Variants in MCTP2 observed in about 807,000 individuals in gnomAD.
The protein encoded by MCTP2 is multiple C2 and transmembrane domain-containing protein 2.
In MCTP2, 132 loss-of-function variants were observed where a neutral mutation model predicts 111.6. The observed-to-expected ratio is 1.18, with a 90% CI of 1.03 to 1.37. The LOEUF is 1.37. Among genes scored for constraint, MCTP2 ranks in the 40% most tolerant of loss-of-function variants. The pLI is 0.00. For missense variants in MCTP2, 1,183 were observed against 1,067.9 expected, an observed-to-expected ratio of 1.11 and a Z score of -1.50; for synonymous variants, 395 against 387.7, an observed-to-expected ratio of 1.02 and a Z score of -0.22.
rs181190731 is a variant in MCTP2, at chr15:94,276,091, G to A, written c.-65-22110G>A. ...GATCTCCTGACCTTGTGATCCGCCC[G>A]CCTTGGCCTCCCAAAGTGCTGGGAT... is the stretch of plus-strand genomic sequence containing the variant. On this transcript the variant is annotated intron_variant, in intron 1 of 22. Coordinates refer to ENST00000357742, the MANE Select transcript of MCTP2 (RefSeq NM_001385001.1). Among the ~76,000 whole-genome samples the A allele has an allele frequency of 4.5e-3, 678 of 152,092 alleles. 1 individual carries two copies. The highest frequency in any genetic ancestry group is 0.014 in the South Asian group (66 of 4,828).
chr15:94,361,113 T>C (rs1251450865), intron 10 of MCTP2, among the ~76,000 whole-genome samples: 1 of 141,220 alleles, frequency 7.1e-6, no homozygotes, highest in East Asian at 2.0e-4. Context: ...TTTTTTTTTT[T>C]TTTTAACACA....
At chr15:94,340,675 C>T in intron 6 of MCTP2, 138 bp from the exon 7 acceptor site, 1 of 565,590 alleles carries the variant, frequency 1.8e-6, no homozygotes, top group South Asian at 2.9e-5. Context: ...TTTATTTTCA[C>T]TAAATTTTGT....
chr15:94,455,229 T>C (rs2084745404), intron 19 of MCTP2, among the ~76,000 whole-genome samples: 1 of 152,246 alleles, frequency 6.6e-6, no homozygotes, highest in Admixed American at 6.5e-5. Flanking sequence ...TTTCAGCATA[T>C]ATTTTGTTAA....
At chr15:94,270,230 C>A (rs368958013) in intron 1 of MCTP2, among the ~76,000 whole-genome samples, 1 of 152,152 alleles carries the variant, frequency 6.6e-6, no homozygotes, top group Non-Finnish European at 1.5e-5. Context: ...GCCAGAAGTA[C>A]CCCCTGTTGA....
intron 2 of MCTP2, among the ~76,000 whole-genome samples, chr15:94,312,562 T>C (rs2076194017): frequency 6.6e-6 from 1 of 152,226 alleles, no homozygotes. Context: ...AAAAAGCTTG[T>C]GTCTGAAATC....
chr15:94,235,337 C>G (rs1243786526), intron 1 of MCTP2, among the ~76,000 whole-genome samples: 1 of 152,068 alleles, frequency 6.6e-6, no homozygotes, highest in Non-Finnish European at 1.5e-5. Flanking sequence ...CACCTACGTA[C>G]CTGAGATTAA....
chr15:94,463,715 T>C (rs1247997113), intron 20 of MCTP2, among the ~76,000 whole-genome samples: 3 of 152,168 alleles, frequency 2.0e-5, no homozygotes, highest in Non-Finnish European at 4.4e-5. Flanking sequence ...CTGTAGGTTA[T>C]TGTAAATATG....
intron 8 of MCTP2, among the ~76,000 whole-genome samples, chr15:94,347,316 A>G (rs571989954): frequency 6.6e-6 from 1 of 152,160 alleles, no homozygotes; most frequent in South Asian, 2.1e-4. Context: ...ATTTAATATT[A>G]TGTAATAATT....
At chr15:94,406,855 G>T (rs1269773972) in intron 17 of MCTP2, among the ~76,000 whole-genome samples, 1 of 132,556 alleles carries the variant, frequency 7.5e-6, no homozygotes, top group Non-Finnish European at 1.6e-5. Flanking sequence ...GGACTTTTCA[G>T]TTGTTTTTTT....
chr15:94,479,069 T>C lies in MCTP2; in HGVS notation c.*35T>C, dbSNP rs1451289603. 2 of 1,602,342 alleles carry C rather than the reference T, an allele frequency of 1.2e-6. No homozygotes were observed. Among genetic ancestry groups the C allele is most frequent in the Admixed American group, 1.7e-5 (1 of 59,982 alleles). Reference sequence around the variant, plus strand: ...CGACTTTGGACAGCAGCACCCAATATTGTGTTTGGTTGAGTAGACCAATGT... The same window carrying C: ...CGACTTTGGACAGCAGCACCCAATACTGTGTTTGGTTGAGTAGACCAATGT... On this transcript the variant is annotated 3_prime_UTR_variant, in exon 23 of 23. Transcript: ENST00000357742.
chr15:94,424,369 C>T (rs1375286054), intron 17 of MCTP2, among the ~76,000 whole-genome samples: 1 of 151,512 alleles, frequency 6.6e-6, no homozygotes, highest in Admixed American at 6.6e-5. Context: ...TTATACGTAT[C>T]ACCTGGTGGA....
intron 19 of MCTP2, among the ~76,000 whole-genome samples, chr15:94,444,749 C>T (rs919100423): frequency 2.6e-5 from 4 of 152,186 alleles, no homozygotes; most frequent in Non-Finnish European, 5.9e-5. Context: ...GCATACATTT[C>T]TTATTATATC....
intron 1 of MCTP2, among the ~76,000 whole-genome samples, chr15:94,245,038 A>T (rs984010187): frequency 1.3e-5 from 2 of 149,728 alleles, no homozygotes; most frequent in Admixed American, 6.6e-5. Context: ...ATGTTTATAT[A>T]CGTATATGTA....
intron 16 of MCTP2, 107 bp downstream of exon 16, chr15:94,400,102 A>G (rs2081490996): frequency 1.2e-6 from 1 of 855,128 alleles, no homozygotes; most frequent in Non-Finnish European, 1.9e-6. Flanking sequence ...CCTCCCTCTT[A>G]CTCCTCCTCT....
At chr15:94,399,270 T>C (rs939425705) in intron 15 of MCTP2, among the ~76,000 whole-genome samples, 4 of 152,202 alleles carry the variant, frequency 2.6e-5, no homozygotes, top group African/African-American at 9.6e-5. Context: ...AGAGTATGTA[T>C]ACTGGTAAAA....
At chr15:94,312,588 C>T (rs1034272457) in intron 2 of MCTP2, among the ~76,000 whole-genome samples, 5 of 152,166 alleles carry the variant, frequency 3.3e-5, no homozygotes, top group Non-Finnish European at 7.3e-5. Flanking sequence ...TGATCCTGTG[C>T]GAATTAACCT....
At chr15:94,354,038 A>C (rs531935922) in intron 8 of MCTP2, among the ~76,000 whole-genome samples, 6 of 151,482 alleles carry the variant, frequency 4.0e-5, no homozygotes, top group Non-Finnish European at 8.8e-5. Flanking sequence ...AATAATAATC[A>C]TATATTATTC....
Position 94,322,164 on chromosome 15 carries a change from A to T in MCTP2, c.637+6527A>T, listed in dbSNP as rs568915409. On this transcript the variant is annotated intron_variant, in intron 4 of 22. Transcript: ENST00000357742. ...TCATGTATTTAATTTTAAGTAAAAA[A>T]CACGGATCTAATTAATCACATATTT... is the stretch of plus-strand genomic sequence containing the variant. 2.6e-5 allele frequency among the ~76,000 whole-genome samples: 4 copies of T among 152,340 alleles called. No homozygotes were observed. The South Asian group carries it at 8.3e-4, about 32-fold the overall frequency.
chr15:94,352,420 G>A (rs1454079439), intron 8 of MCTP2, among the ~76,000 whole-genome samples: 1 of 152,200 alleles, frequency 6.6e-6, no homozygotes, highest in Non-Finnish European at 1.5e-5. Context: ...GATTTGGTGA[G>A]GTGGGGGCTG....
Sources: allele counts gnomAD v4.1 joint callset (sites outside exome capture counted in the v4.1 genomes callset), GRCh38; gene constraint gnomAD v4.1.1; transcripts MANE v1.5; gene names NCBI Gene and HGNC (gene_info 2026-07-23, HGNC 2026-07-21).